CYP19A1: variants seen among roughly 807,000 people sequenced by gnomAD.
The protein encoded by CYP19A1 is aromatase.
CYP19A1 carries 32 observed loss-of-function variants against 44.4 expected under a neutral mutation model. The observed-to-expected ratio is 0.72, with a 90% CI of 0.54 to 0.97. The LOEUF is 0.97. CYP19A1 is among the 50% of genes least tolerant of loss of function. CYP19A1 has a pLI of 0.00. For missense variants in CYP19A1, 598 were observed against 637.8 expected (o/e 0.94, Z 0.67); for synonymous variants, 212 against 215.6 (o/e 0.98, Z 0.14).
At chr15:51,304,890 CTT>C (rs545247348) in intron 1 of CYP19A1, among the ~76,000 whole-genome samples, 102 of 104,562 alleles carry the variant, frequency 9.8e-4, no homozygotes, top group African/African-American at 4.7e-3. Context: ...GTGTCTCTTC[CTT>C]TTTTTTTTTT....
In CYP19A1 at chr15:51,314,395, G is replaced by A. The variant is rs28757090; in HGVS notation, c.-39+24100C>T. On this transcript the variant is annotated intron_variant, in intron 1 of 9. Coordinates refer to ENST00000396402, the MANE Select transcript of CYP19A1 (RefSeq NM_000103.4). ...TATCTGTGGAGTCTCAGGCATGTTG[G>A]GCTTTTAGTGGTCCACAGACCCCCT... Among the ~76,000 whole-genome samples, 1,098 of 152,248 alleles carry A rather than the reference G, an allele frequency of 7.2e-3. 21 individuals are homozygous for A. Among genetic ancestry groups the A allele is most frequent in the African/African-American group, 0.025 (1,045 of 41,540 alleles).
chr15:51,254,409 C>T (rs2034440361), intron 1 of CYP19A1, among the ~76,000 whole-genome samples: 1 of 152,196 alleles, frequency 6.6e-6, no homozygotes, highest in Non-Finnish European at 1.5e-5. Context: ...GGATTGGCCC[C>T]AGTGAGATAT....
At chr15:51,309,195 A>T (rs2036266782) in intron 1 of CYP19A1, among the ~76,000 whole-genome samples, 1 of 152,192 alleles carries the variant, frequency 6.6e-6, no homozygotes, top group Admixed American at 6.5e-5. Context: ...CTGTAAGAAG[A>T]GGTACCAGAC....
At chr15:51,229,959 T>A (rs1352071243) in intron 3 of CYP19A1, among the ~76,000 whole-genome samples, 1 of 152,210 alleles carries the variant, frequency 6.6e-6, no homozygotes, top group Non-Finnish European at 1.5e-5. Flanking sequence ...AACGAAATAT[T>A]TGCTAGTTAT....
chr15:51,222,827 G>A (rs1039496698), intron 4 of CYP19A1, among the ~76,000 whole-genome samples: 2 of 152,112 alleles, frequency 1.3e-5, no homozygotes, highest in Non-Finnish European at 2.9e-5. Context: ...GATTGCAAAT[G>A]AAACATTTAG....
intron 1 of CYP19A1, among the ~76,000 whole-genome samples, chr15:51,249,988 G>C (rs1200376271): frequency 2.0e-5 from 3 of 152,172 alleles, no homozygotes; most frequent in Admixed American, 6.5e-5. Context: ...CAAGACAATA[G>C]GAACCAACAG....
At chr15:51,218,738 C>T (rs1382537779) in intron 5 of CYP19A1, 83 bp from the exon 6 acceptor site, 1 of 1,539,584 alleles carries the variant, frequency 6.5e-7, no homozygotes, top group Non-Finnish European at 8.7e-7. Context: ...GAGCAGAAAA[C>T]ATTCCCTGCA....
chr15:51,337,087 T>G (rs1435224598), intron 1 of CYP19A1, among the ~76,000 whole-genome samples: 1 of 152,216 alleles, frequency 6.6e-6, no homozygotes, highest in Non-Finnish European at 1.5e-5. Context: ...AACCCAAGTT[T>G]ATCGTGCATT....
chr15:51,292,231 C>T (rs1343755640), intron 1 of CYP19A1, among the ~76,000 whole-genome samples: 1 of 152,200 alleles, frequency 6.6e-6, no homozygotes, highest in Non-Finnish European at 1.5e-5. Flanking sequence ...AGAGAGAAAT[C>T]ATCTCCAACT....
chr15:51,317,331 G>C (rs564392790), intron 1 of CYP19A1, among the ~76,000 whole-genome samples: 285 of 152,166 alleles, frequency 1.9e-3, no homozygotes, highest in African/African-American at 6.7e-3. Context: ...GGATGGTCTT[G>C]ATCTCCTGAC....
intron 1 of CYP19A1, among the ~76,000 whole-genome samples, chr15:51,257,568 G>C (rs1263633812): frequency 6.6e-6 from 1 of 152,326 alleles, no homozygotes; most frequent in South Asian, 2.1e-4. Context: ...CAGCCAAGAG[G>C]AGCTTTGCCT....
At chr15:51,326,560 G>T (rs887122080) in intron 1 of CYP19A1, among the ~76,000 whole-genome samples, 1 of 152,210 alleles carries the variant, frequency 6.6e-6, no homozygotes, top group Admixed American at 6.5e-5. Flanking sequence ...CCAAAATCAT[G>T]CTAAGTACCT....
At chr15:51,317,332 A>G (rs765009272) in intron 1 of CYP19A1, among the ~76,000 whole-genome samples, 5 of 152,048 alleles carry the variant, frequency 3.3e-5, no homozygotes, top group Admixed American at 6.5e-5. Context: ...GATGGTCTTG[A>G]TCTCCTGACC....
At chr15:51,315,554 A>T (rs2036410067) in intron 1 of CYP19A1, among the ~76,000 whole-genome samples, 1 of 152,218 alleles carries the variant, frequency 6.6e-6, no homozygotes. Context: ...ATACCCAGTT[A>T]TATGGTTCTT....
At chr15:51,332,047 A>C (rs183077590) in intron 1 of CYP19A1, among the ~76,000 whole-genome samples, 1 of 152,098 alleles carries the variant, frequency 6.6e-6, no homozygotes, top group Non-Finnish European at 1.5e-5. Flanking sequence ...ATTCACATTT[A>C]ATAATACATT....
chr15:51,328,859 T>C (rs1431120155), intron 1 of CYP19A1, among the ~76,000 whole-genome samples: 1 of 152,140 alleles, frequency 6.6e-6, no homozygotes, highest in Non-Finnish European at 1.5e-5. Context: ...GAGCAAAAAG[T>C]TTACTGTCCC....
intron 1 of CYP19A1, among the ~76,000 whole-genome samples, chr15:51,254,606 T>A (rs1436378605): frequency 6.6e-6 from 1 of 152,222 alleles, no homozygotes; most frequent in Non-Finnish European, 1.5e-5. Flanking sequence ...TCATCTCTTT[T>A]CTCTTTGTGC....
At chr15:51,305,053 C>T (rs1463348050) in intron 1 of CYP19A1, among the ~76,000 whole-genome samples, 1 of 151,936 alleles carries the variant, frequency 6.6e-6, no homozygotes, top group Non-Finnish European at 1.5e-5. Context: ...GCGCCTGCCA[C>T]CACGCCCAGC....
In CYP19A1 at chr15:51,212,559, C is replaced by T; in HGVS notation, c.1024G>A (p.Glu342Lys). The change falls in exon 9 of 10, where the codon GAG (glutamate) becomes AAG (lysine). Residue 342 changes from glutamate to lysine, a missense_variant and splice_region_variant. Coordinates refer to ENST00000396402, the MANE Select transcript of CYP19A1 (RefSeq NM_000103.4). ...IIKEIQTVIG[E>K]RDIKIDDIQK... The stretch of plus-strand genomic sequence containing the variant: ...ATATCATCAATCTTTATGTCTCTCT[C>T]ACCTGTGGAAACAGATAAAAGGAAC... 1.4e-6 allele frequency: 2 copies of T among 1,475,418 alleles called. No homozygotes were observed. The highest frequency in any genetic ancestry group is 1.9e-6 in the Non-Finnish European group (2 of 1,053,398). The allele number at this position is 1,475,418 out of a possible 1,614,324, so 91.4% of individuals were successfully genotyped here. A position where few individuals can be genotyped will look rare whatever the true frequency, so the allele number is the denominator to read the frequency against.
Sources: allele counts gnomAD v4.1 joint callset (sites outside exome capture counted in the v4.1 genomes callset), GRCh38; gene constraint gnomAD v4.1.1; transcripts MANE v1.5; gene names NCBI Gene and HGNC (gene_info 2026-07-23, HGNC 2026-07-21).